Variants in SUPT20H observed in about 807,000 individuals in gnomAD.
SUPT20H encodes the protein SPT20 homolog, SAGA complex component, also known as transcription factor SPT20 homolog.
SUPT20H carries 82 observed loss-of-function variants against 122.8 expected under a neutral mutation model. The ratio of observed to expected loss-of-function variants is 0.67; its 90% CI spans 0.56 to 0.80. SUPT20H has a LOEUF of 0.80. Among genes scored for constraint, SUPT20H ranks in the 30% least tolerant of loss-of-function variants. The pLI, the probability that SUPT20H is intolerant of heterozygous loss-of-function variation, is 0.00. For missense variants in SUPT20H, 831 were observed against 921.6 expected (o/e 0.90, Z 1.27); for synonymous variants, 291 against 313.0 (o/e 0.93, Z 0.74).
At chr13:37,028,624 C>G (rs2062746205) in intron 13 of SUPT20H, among the ~76,000 whole-genome samples, 1 of 151,932 alleles carries the variant, frequency 6.6e-6, no homozygotes. Context: ...TAACAATGAA[C>G]ATTAATCAAA....
chr13:37,014,968 T>G (rs1320861069), intron 23 of SUPT20H, among the ~76,000 whole-genome samples: 1 of 152,130 alleles, frequency 6.6e-6, no homozygotes, highest in East Asian at 1.9e-4. Context: ...ATAATTAGAC[T>G]GGCATCAGAT....
intron 25 of SUPT20H, among the ~76,000 whole-genome samples, chr13:37,010,298 T>C (rs2059374186): frequency 6.6e-6 from 1 of 152,234 alleles, no homozygotes; most frequent in African/African-American, 2.4e-5. Flanking sequence ...ATATACTGCA[T>C]ACTAGAAAAA....
In SUPT20H at chr13:37,024,367, G is replaced by T. The variant is rs1161873157; in HGVS notation, c.1405C>A (p.Pro469Thr). 6.3e-7 allele frequency: 1 copy of T among 1,592,596 alleles called. No homozygotes were observed. Residue 469 changes from proline to threonine, a missense_variant, in exon 18 of 26, where the codon CCC becomes ACC. Transcript: ENST00000350612. ...GAGGAACTATTTCCTGAGCTTGAGGGAAGTTTGATTGGTGGGGGTCGATGT... is the reference window on the plus strand; with the variant it reads ...GAGGAACTATTTCCTGAGCTTGAGGTAAGTTTGATTGGTGGGGGTCGATGT... Reference protein sequence around the residue: ...VKHRPPPIKLPSSSGNSSSGN... With the variant: ...VKHRPPPIKLTSSSGNSSSGN...
chr13:37,044,235 G>A (rs1376962453), intron 6 of SUPT20H, 54 bp from the exon 7 acceptor site: 11 of 1,407,062 alleles, frequency 7.8e-6, no homozygotes, highest in East Asian at 2.3e-5. Flanking sequence ...AAGCTTAGCT[G>A]TATAATTCAA....
At chr13:37,038,759 G>A (rs895488947) in intron 9 of SUPT20H, 1 of 152,118 alleles carries the variant, frequency 6.6e-6, no homozygotes, top group African/African-American at 2.4e-5. Flanking sequence ...AAAACTTTTT[G>A]CACCAAAATA....
intron 2 of SUPT20H, among the ~76,000 whole-genome samples, chr13:37,050,817 G>A (rs1201865414): frequency 6.6e-6 from 1 of 152,180 alleles, no homozygotes; most frequent in Admixed American, 6.6e-5. Context: ...AGATAGGCAA[G>A]AACCAAGAGG....
intron 9 of SUPT20H, among the ~76,000 whole-genome samples, chr13:37,037,568 T>G (rs905437917): frequency 6.6e-6 from 1 of 152,204 alleles, no homozygotes; most frequent in Non-Finnish European, 1.5e-5. Flanking sequence ...TTCCAGGAAC[T>G]GGGGATAAGG....
At position 37,031,549 on chromosome 13, in the gene SUPT20H, A is replaced by T; in HGVS notation, c.921+18T>A. On this transcript the variant is annotated intron_variant, in intron 12 of 25. Coordinates refer to ENST00000350612, the MANE Select transcript of SUPT20H (RefSeq NM_001014286.3). ...GAGAAACTTTATATGAAAAAAAGTA[A>T]TTCATGAACTGACTTACATCTACTT... is the stretch of plus-strand genomic sequence containing the variant. 1.3e-6 allele frequency: 2 copies of T among 1,494,430 alleles called. No individual in the cohort carries two copies. Among genetic ancestry groups the T allele is most frequent in the Non-Finnish European group, 1.8e-6 (2 of 1,123,568 alleles). 92.6% of individuals were successfully genotyped at this position (1,494,430 alleles called of 1,614,324 possible).
intron 9 of SUPT20H, among the ~76,000 whole-genome samples, chr13:37,034,579 C>A (rs1465675743): frequency 6.6e-6 from 1 of 152,208 alleles, no homozygotes; most frequent in Non-Finnish European, 1.5e-5. Flanking sequence ...GTCTCCATAA[C>A]ACAAAAGTGC....
intron 1 of SUPT20H, among the ~76,000 whole-genome samples, chr13:37,052,874 C>T (rs536538973): frequency 5.9e-5 from 9 of 152,228 alleles, no homozygotes; most frequent in South Asian, 2.1e-4. Flanking sequence ...AGGATATGAA[C>T]GGACACTTCT....
At chr13:37,046,492 T>C (rs1025874819) in intron 5 of SUPT20H, among the ~76,000 whole-genome samples, 1 of 152,218 alleles carries the variant, frequency 6.6e-6, no homozygotes. Context: ...ATACTCAATG[T>C]GTCTTTGTAC....
chr13:37,011,312 C>T (rs2059591344), intron 24 of SUPT20H, among the ~76,000 whole-genome samples: 1 of 152,098 alleles, frequency 6.6e-6, no homozygotes, highest in African/African-American at 2.4e-5. Flanking sequence ...AATTATACTA[C>T]AGCTATTTTC....
At position 37,022,039 on chromosome 13, in the gene SUPT20H, T is replaced by C. The variant is rs773308177; in HGVS notation, c.1633A>G (p.Asn545Asp). ...ACAGAGCCCACTACATTGATGAAGT[T>C]AAGTCCAGCAGAGTTTGCCATGACC... ...TQVMANSAGL[N>D]FINVVGSVCG... Residue 545 changes from asparagine (N) to aspartate (D), a missense_variant, in exon 20 of 26, where the codon AAC becomes GAC. Coordinates refer to ENST00000350612, the MANE Select transcript of SUPT20H (RefSeq NM_001014286.3). This position sits in a 1 kb window ranked among gnomAD's most constrained non-coding sequence, Gnocchi z 4.5. 1 of 1,611,280 alleles carries C rather than the reference T, an allele frequency of 6.2e-7. No individual in the cohort carries two copies. Among genetic ancestry groups the C allele is most frequent in the Non-Finnish European group, 8.5e-7 (1 of 1,178,098 alleles).
chr13:37,041,644 G>T (rs1306889222), intron 7 of SUPT20H, among the ~76,000 whole-genome samples: 1 of 152,048 alleles, frequency 6.6e-6, no homozygotes, highest in Non-Finnish European at 1.5e-5. Flanking sequence ...CACCCATTCA[G>T]AACTTTTAGT....
intron 18 of SUPT20H, 54 bp from the exon 19 acceptor site, chr13:37,024,247 T>C: frequency 1.3e-6 from 2 of 1,546,976 alleles, no homozygotes; most frequent in African/African-American, 1.4e-5. Context: ...TTCTGTGAAC[T>C]GTAGAAATCA....
chr13:37,045,165 A>C, intron 6 of SUPT20H, 82 bp downstream of exon 6: 4 of 1,567,682 alleles, frequency 2.6e-6, no homozygotes, highest in Non-Finnish European at 2.6e-6. Flanking sequence ...ATGCTTTAGC[A>C]GGTTAAAAAA....
chr13:37,017,170 G>C (rs374153621), intron 23 of SUPT20H, 75 bp downstream of exon 23: 2 of 1,585,138 alleles, frequency 1.3e-6, no homozygotes, highest in African/African-American at 2.7e-5. Flanking sequence ...CAAAGCAAAT[G>C]AAGTATGCTT....
chr13:37,026,251 G>GA lies in SUPT20H; in HGVS notation c.1179-16dup, dbSNP rs772581609. ...CAATAATGAACCTAAAATGTTTAAG[G>GA]AAAAAAAAGGAGAGAAAAGTATTAG... On this transcript the variant is annotated splice_polypyrimidine_tract_variant and intron_variant, in intron 15 of 25. Coordinates refer to ENST00000350612, the MANE Select transcript of SUPT20H (RefSeq NM_001014286.3). 141 of 1,477,862 alleles carry GA rather than the reference G, an allele frequency of 9.5e-5. No homozygotes were observed. The highest frequency in any genetic ancestry group is 1.3e-4 in the Admixed American group (5 of 37,916). The allele number at this position is 1,477,862 out of a possible 1,614,324, so 91.5% of individuals were successfully genotyped here.
rs1436331773 is a variant in SUPT20H at position 37,040,385 on chromosome 13, T to TA, written c.567+19dup. On this transcript the variant is annotated intron_variant, in intron 9 of 25. Coordinates refer to ENST00000350612, the MANE Select transcript of SUPT20H (RefSeq NM_001014286.3). ...ATCCTATATTTTGCCTGTTTGAGAT[T>TA]AAAAAACAAAACAACTAACCTGGGT... The TA allele has an allele frequency of 6.5e-7, 1 of 1,548,316 alleles. No individual in the cohort carries two copies. Among genetic ancestry groups the TA allele is most frequent in the Non-Finnish European group, 8.6e-7 (1 of 1,157,234 alleles).
Sources: gnomAD v4.1 joint callset for allele counts (sites outside exome capture counted in the v4.1 genomes callset) on GRCh38, gnomAD v4.1.1 for gene constraint, Gnocchi (gnomAD v3.1) non-coding constraint, MANE v1.5 for transcripts, NCBI Gene and HGNC (gene_info 2026-07-23, HGNC 2026-07-21) for gene names.